The following GNG2 variants were observed in gnomAD, a reference collection of about 807,000 sequenced individuals.
The protein encoded by GNG2 is G protein subunit gamma 2, also known as guanine nucleotide-binding protein G(I)/G(S)/G(O) subunit gamma-2.
In GNG2, 5 loss-of-function variants were observed where a neutral mutation model predicts 5.5. That is an observed-to-expected ratio of 0.91 (90% CI 0.48 to 1.92). GNG2 has a LOEUF of 1.92. GNG2 is among the 30% of genes most tolerant of loss of function. The pLI, the probability that GNG2 is intolerant of heterozygous loss-of-function variation, is 0.01. For missense variants in GNG2, 55 were observed against 88.4 expected (o/e 0.62, Z 1.52); for synonymous variants, 28 against 32.0 (o/e 0.88, Z 0.42).
At chr14:51,855,310 C>T (rs1414727929) in intron 2 of GNG2, among the ~76,000 whole-genome samples, 1 of 152,168 alleles carries the variant, frequency 6.6e-6, no homozygotes, top group African/African-American at 2.4e-5. Flanking sequence ...CAGAGACTGG[C>T]ATTTTTCATT....
chr14:51,879,785 C>G (rs1282044147), intron 2 of GNG2, among the ~76,000 whole-genome samples: 1 of 152,166 alleles, frequency 6.6e-6, no homozygotes, highest in African/African-American at 2.4e-5. Context: ...CCTGGATAAG[C>G]CAGGCTAATC....
intron 2 of GNG2, among the ~76,000 whole-genome samples, chr14:51,895,849 A>G (rs908072214): frequency 2.0e-5 from 3 of 152,306 alleles, no homozygotes; most frequent in African/African-American, 7.2e-5. Context: ...GGGTCCCACA[A>G]GATCTGATGG....
chr14:51,876,703 G>C (rs1883694137), intron 1 of GNG2, among the ~76,000 whole-genome samples: 1 of 151,990 alleles, frequency 6.6e-6, no homozygotes, highest in African/African-American at 2.4e-5. Flanking sequence ...ATGGTAGTCT[G>C]GGAATATAAT....
chr14:51,837,585 C>T lies in GNG2; in HGVS notation c.64+9778C>T, dbSNP rs948773020. On this transcript the variant is annotated intron_variant, in intron 2 of 3. Transcript: ENST00000553432. Reference sequence around the variant, plus strand: ...TCTCTTGAACCCAGGACGCAGAGGCCGCAGTGAGCTGAGATTGCACCACTG... The same window carrying T: ...TCTCTTGAACCCAGGACGCAGAGGCTGCAGTGAGCTGAGATTGCACCACTG... 5.3e-5 allele frequency among the ~76,000 whole-genome samples: 8 copies of T among 150,526 alleles called. No homozygotes were observed. The East Asian group carries it at 7.9e-4, about 15-fold the overall frequency.
chr14:51,932,097 A>G (rs1031296784), intron 2 of GNG2, among the ~76,000 whole-genome samples: 4 of 151,956 alleles, frequency 2.6e-5, no homozygotes, highest in Admixed American at 2.6e-4. Flanking sequence ...AATAGAAAAA[A>G]TTAGCTGGGC....
At chr14:51,959,814 C>A (rs1213194586) in intron 3 of GNG2, among the ~76,000 whole-genome samples, 2 of 152,150 alleles carry the variant, frequency 1.3e-5, no homozygotes, top group Non-Finnish European at 2.9e-5. Context: ...TCTCTCAATC[C>A]CCTTTACCCT....
chr14:51,862,934 G>A (rs1470044894), intron 1 of GNG2, among the ~76,000 whole-genome samples: 1 of 151,164 alleles, frequency 6.6e-6, no homozygotes, highest in Non-Finnish European at 1.5e-5. Context: ...TTTTTCCTGG[G>A]GTATTCACTG....
intron 2 of GNG2, among the ~76,000 whole-genome samples, chr14:51,840,244 C>G (rs1881446293): frequency 6.6e-6 from 1 of 152,134 alleles, no homozygotes; most frequent in East Asian, 1.9e-4. Context: ...CTCCTTTACT[C>G]CCAGAACTTT....
At chr14:51,872,913 G>A (rs561938922) in intron 1 of GNG2, among the ~76,000 whole-genome samples, 14 of 152,282 alleles carry the variant, frequency 9.2e-5, no homozygotes, top group African/African-American at 3.4e-4. Flanking sequence ...ATGTGGTCAT[G>A]TACCCACAGA....
At chr14:51,955,903 T>G (rs927570389) in intron 3 of GNG2, among the ~76,000 whole-genome samples, 3 of 152,200 alleles carry the variant, frequency 2.0e-5, no homozygotes, top group African/African-American at 7.2e-5. Flanking sequence ...TAAGTCATCT[T>G]TATGATGATT....
intron 2 of GNG2, among the ~76,000 whole-genome samples, chr14:51,879,093 A>G (rs1014704000): frequency 6.6e-6 from 1 of 152,228 alleles, no homozygotes; most frequent in Non-Finnish European, 1.5e-5. Context: ...CGTTGTGAAC[A>G]TTGTGAACTA....
chr14:51,935,669 TTTTCTTTTTCTTTC>T (rs1887951217), intron 2 of GNG2, among the ~76,000 whole-genome samples: 1 of 152,128 alleles, frequency 6.6e-6, no homozygotes, highest in Admixed American at 6.5e-5. Flanking sequence ...TTCTCCTTTC[TTTTCTTTTTCTTTC>T]TTTTCTTTTC....
rs369095215 is a variant in GNG2 at position 51,836,856 on chromosome 14, C to CTTTTTTTTTTTTTTTTTTTTTTTT, written c.64+9068_64+9069insTTTTTTTTTTTTTTTTTTTTTTTT. The stretch of plus-strand genomic sequence containing the variant: ...ATATTATGATTTTAAGTGACTTCAT[C>CTTTTTTTTTTTTTTTTTTTTTTTT]TTTTTTTTTTTTTTTTTTTGAGACA... On this transcript the variant is annotated intron_variant, in intron 2 of 3. Coordinates refer to the GNG2 transcript ENST00000553432. Among the ~76,000 whole-genome samples, 2 of 130,676 alleles carry CTTTTTTTTTTTTTTTTTTTTTTTT rather than the reference C, an allele frequency of 1.5e-5. 1 individual carries two copies. 85.7% of individuals were successfully genotyped at this position (130,676 alleles called of 152,430 possible). A position where few individuals can be genotyped will look rare whatever the true frequency, so the allele number is the denominator to read the frequency against.
At chr14:51,926,701 G>C (rs2140236330) in intron 2 of GNG2, among the ~76,000 whole-genome samples, 1 of 152,256 alleles carries the variant, frequency 6.6e-6, no homozygotes, top group South Asian at 2.1e-4. Context: ...GTGGAACCTG[G>C]GATTCAGTCT....
At chr14:51,935,025 C>CTT (rs35195529) in intron 2 of GNG2, among the ~76,000 whole-genome samples, 1 of 104,578 alleles carries the variant, frequency 9.6e-6, no homozygotes, top group Admixed American at 9.5e-5. Flanking sequence ...CAGTTTCTTT[C>CTT]TTTTTTTTTT....
At chr14:51,892,555 T>A (rs181157255) in intron 2 of GNG2, among the ~76,000 whole-genome samples, 1 of 152,178 alleles carries the variant, frequency 6.6e-6, no homozygotes, top group South Asian at 2.1e-4. Context: ...AATCTCAGCC[T>A]ACTCCCAAAG....
exon 2 of GNG2, chr14:51,827,776 A>G (rs914162890): frequency 1.4e-6 from 1 of 699,516 alleles, no homozygotes; most frequent in Non-Finnish European, 2.6e-6. Flanking sequence ...CAATGGAAAG[A>G]GAAGCAAGAG....
intron 2 of GNG2, among the ~76,000 whole-genome samples, chr14:51,928,950 T>C (rs1452324452): frequency 1.3e-5 from 2 of 152,232 alleles, no homozygotes; most frequent in Non-Finnish European, 2.9e-5. Flanking sequence ...ATAAATGATG[T>C]GCTTTCGTTG....
At chr14:51,845,706 G>T (rs1055474385) in intron 2 of GNG2, among the ~76,000 whole-genome samples, 4 of 152,100 alleles carry the variant, frequency 2.6e-5, no homozygotes, top group Non-Finnish European at 4.4e-5. Flanking sequence ...GCCCCGAGAA[G>T]TCCCATGGTA....
Sources: gnomAD v4.1 joint callset for allele counts (sites outside exome capture counted in the v4.1 genomes callset) on GRCh38, gnomAD v4.1.1 for gene constraint, MANE v1.5 for transcripts, NCBI Gene and HGNC (gene_info 2026-07-23, HGNC 2026-07-21) for gene names.